DOCK11: variants seen among roughly 807,000 people sequenced by gnomAD.
DOCK11 encodes the protein dedicator of cytokinesis protein 11.
A neutral mutation model predicts 169.1 loss-of-function variants in DOCK11; 70 were observed. That is an observed-to-expected ratio of 0.41 (90% confidence interval 0.34 to 0.51). The LOEUF is 0.51. Among genes scored for constraint, DOCK11 ranks in the 20% least tolerant of loss-of-function variants. The pLI is 0.10. For missense variants in DOCK11, 1,166 were observed against 1,538.8 expected (o/e 0.76, Z 4.05); for synonymous variants, 529 against 541.3 (o/e 0.98, Z 0.32).
Position 118,611,736 on chromosome X carries a change from T to G in DOCK11, c.3096+1318T>G, listed in dbSNP as rs193051543. Among the ~76,000 whole-genome samples the G allele has an allele frequency of 1.3e-4, 15 of 112,197 alleles. No homozygotes were observed. In the Admixed American group the frequency reaches 1.4e-3, roughly 11 times the overall value. ...GTGAGAGAATGTAACTGTTTTTTCT[T>G]TCTTTTTTCTTGCTTTCTTTCATTT... On this transcript the variant is annotated intron_variant, in intron 28 of 52. Coordinates refer to ENST00000276202, the MANE Select transcript of DOCK11 (RefSeq NM_144658.4).
intron 34 of DOCK11, 99 bp downstream of exon 34, chrX:118,628,371 T>C: frequency 2.0e-6 from 1 of 500,770 alleles, no homozygotes; most frequent in East Asian, 3.7e-5. Context: ...CTGTAGTCCA[T>C]CCTGGCTCTG....
intron 6 of DOCK11, among the ~76,000 whole-genome samples, chrX:118,549,148 C>CTT (rs1295714639): frequency 2.8e-5 from 2 of 71,761 alleles, no homozygotes; most frequent in Admixed American, 1.5e-4. Context: ...ACATATAAAA[C>CTT]TTTTTTTTTT....
At chrX:118,511,721 G>A (rs191960958) in intron 1 of DOCK11, among the ~76,000 whole-genome samples, 1,142 of 110,899 alleles carry the variant, frequency 0.01, 13 homozygotes, top group African/African-American at 0.036. Context: ...TGCAGCAGAA[G>A]GAACTAGAAA....
Position 118,652,068 on chromosome X carries a change from A to T in DOCK11, c.4686A>T (p.Arg1562Ser). Residue 1562 changes from arginine to serine, a missense_variant, in exon 42 of 53, where the codon AGA (arginine) becomes AGT (serine). Arg to Ser is a moderately radical substitution (Grantham distance 110). Coordinates refer to ENST00000276202, the MANE Select transcript of DOCK11 (RefSeq NM_144658.4). ...TCAATAATTTTGCAAATAGTGACAGACCTATGAAGGTATGTTCTCATTTCA... is the reference window on the plus strand; with the variant it reads ...TCAATAATTTTGCAAATAGTGACAGTCCTATGAAGGTATGTTCTCATTTCA... Reference protein sequence around the residue: ...FIINNFANSDRPMKATAFPAE... With the variant: ...FIINNFANSDSPMKATAFPAE... The T allele has an allele frequency of 8.7e-7, 1 of 1,149,754 alleles. No homozygotes were observed. The highest frequency in any genetic ancestry group is 1.2e-6 in the Non-Finnish European group (1 of 845,954). The allele number at this position is 1,149,754 out of a possible 1,213,427, so 94.8% of individuals were successfully genotyped here.
Position 118,545,924 on chromosome X carries a change from A to G in DOCK11, c.463-97A>G, listed in dbSNP as rs2012256026. The G allele has an allele frequency of 7.3e-6, 4 of 548,989 alleles. No homozygotes were observed. In the East Asian group the frequency reaches 1.3e-4, roughly 18 times the overall value. 45.2% of individuals were successfully genotyped at this position (548,989 alleles called of 1,213,427 possible). ...GAAGAGGGGACTTTATGTTTTAATTAGGAAATGGGCAGGGCCTCATTCTGT... is the reference window on the plus strand; with the variant it reads ...GAAGAGGGGACTTTATGTTTTAATTGGGAAATGGGCAGGGCCTCATTCTGT... On this transcript the variant is annotated intron_variant, in intron 5 of 52. Transcript: ENST00000276202.
At chrX:118,632,154 G>A (rs1163981728) in intron 35 of DOCK11, among the ~76,000 whole-genome samples, 3 of 110,484 alleles carry the variant, frequency 2.7e-5, no homozygotes, top group African/African-American at 9.9e-5. Flanking sequence ...GGGGTTTCAC[G>A]GTGTTAGCCA....
chrX:118,630,371 C>T lies in DOCK11; in HGVS notation c.3775-8C>T, dbSNP rs888694574. On this transcript the variant is annotated splice_polypyrimidine_tract_variant and splice_region_variant and intron_variant, in intron 34 of 52. Transcript: ENST00000276202. ...TGATACTATTTCACGAACATCCTGTCCTTACAGACCCGACAGAGTTCTACA... is the reference window on the plus strand; with the variant it reads ...TGATACTATTTCACGAACATCCTGTTCTTACAGACCCGACAGAGTTCTACA... 3.5e-6 allele frequency: 4 copies of T among 1,148,922 alleles called. No individual in the cohort carries two copies. Among genetic ancestry groups the T allele is most frequent in the Non-Finnish European group, 1.2e-6 (1 of 844,480 alleles). The allele number at this position is 1,148,922 out of a possible 1,213,427, so 94.7% of individuals were successfully genotyped here. A position where few individuals can be genotyped will look rare whatever the true frequency, so the allele number is the denominator to read the frequency against.
rs746917699 is a variant in DOCK11 at position 118,672,161 on chromosome X, G to A, written c.5199+1016G>A. Among the ~76,000 whole-genome samples, 3 of 112,375 alleles carry A rather than the reference G, an allele frequency of 2.7e-5. No individual in the cohort carries two copies. The East Asian group carries it at 8.4e-4, about 31-fold the overall frequency. ...AACCTAAAGGTGCTGGCAAATGACA[G>A]TGGGGTAGGTAATAATACACTAGTA... On this transcript the variant is annotated intron_variant, in intron 46 of 52. Coordinates refer to ENST00000276202, the MANE Select transcript of DOCK11 (RefSeq NM_144658.4).
Position 118,671,033 on chromosome X carries a change from T to G in DOCK11, c.5087T>G (p.Leu1696Arg). Residue 1696 changes from leucine (L) to arginine (R), a missense_variant, in exon 46 of 53, where the codon CTG becomes CGG. Physicochemically the swap from Leu to Arg is moderately radical, Grantham distance 102. Coordinates refer to ENST00000276202, the MANE Select transcript of DOCK11 (RefSeq NM_144658.4). Reference protein sequence around the residue: ...MDVHYSEEVLLELLEQCVDGL... With the variant: ...MDVHYSEEVLRELLEQCVDGL... ...TTTCTCTTAATGCAGGAGGTCTTGC[T>G]GGAGTTGCTAGAACAATGTGTGGAT... The G allele has an allele frequency of 8.4e-7, 1 of 1,186,307 alleles. No individual in the cohort carries two copies. Among genetic ancestry groups the G allele is most frequent in the Non-Finnish European group, 1.1e-6 (1 of 880,184 alleles).
intron 1 of DOCK11, among the ~76,000 whole-genome samples, chrX:118,516,754 A>C (rs1233063817): frequency 8.9e-6 from 1 of 112,238 alleles, no homozygotes; most frequent in African/African-American, 3.2e-5. Context: ...ATTTATTGAC[A>C]GTGGCAAAAA....
intron 24 of DOCK11, among the ~76,000 whole-genome samples, chrX:118,607,453 G>T (rs1340730791): frequency 1.4e-5 from 1 of 71,692 alleles, no homozygotes. Flanking sequence ...ACAGAGTCTC[G>T]CTCTGTTGCC....
chrX:118,523,266 C>CA, intron 1 of DOCK11, among the ~76,000 whole-genome samples: 1 of 111,510 alleles, frequency 9.0e-6, no homozygotes, highest in East Asian at 2.8e-4. Context: ...GAATTAAATA[C>CA]AAAAAAGAAC....
chrX:118,638,533 A>C (rs935328848), intron 37 of DOCK11, among the ~76,000 whole-genome samples: 1 of 112,175 alleles, frequency 8.9e-6, no homozygotes, highest in Non-Finnish European at 1.9e-5. Context: ...TACATTATCT[A>C]TTTCCTCTTT....
At chrX:118,561,690 C>T (rs1057321234) in intron 7 of DOCK11, among the ~76,000 whole-genome samples, 173 bp downstream of exon 7, 5 of 108,769 alleles carry the variant, frequency 4.6e-5, no homozygotes, top group Non-Finnish European at 9.6e-5. Context: ...ACAAAGAGAC[C>T]CCATCTCTAC....
At chrX:118,618,453 C>CT (rs2014879428) in intron 30 of DOCK11, 97 bp from the exon 31 acceptor site, 2 of 648,241 alleles carry the variant, frequency 3.1e-6, no homozygotes, top group Non-Finnish European at 2.2e-6. Context: ...ATAGCTCTTG[C>CT]TAGCATGATC....
rs746345228 is a variant in DOCK11, at chrX:118,562,645, C to A, written c.693+1128C>A. 3.6e-5 allele frequency among the ~76,000 whole-genome samples: 4 copies of A among 111,943 alleles called. No homozygotes were observed. The South Asian group carries it at 1.5e-3, about 42-fold the overall frequency. On this transcript the variant is annotated intron_variant, in intron 7 of 52. Transcript: ENST00000276202. ...TGTGTATTCTGTGCTCTGGTCACAC[C>A]AGGCTAAGCATTCTAAAGCGTTGCA...
At chrX:118,599,392 A>G (rs938024998) in intron 23 of DOCK11, among the ~76,000 whole-genome samples, 164 bp downstream of exon 23, 1 of 111,895 alleles carries the variant, frequency 8.9e-6, no homozygotes, top group Admixed American at 9.5e-5. Flanking sequence ...GTGGCTGTTT[A>G]GAAGCAGACA....
intron 48 of DOCK11, among the ~76,000 whole-genome samples, chrX:118,678,372 C>G (rs2016658617): frequency 8.9e-6 from 1 of 111,885 alleles, no homozygotes; most frequent in South Asian, 3.7e-4. Flanking sequence ...GGCGGTATTA[C>G]CCATATAATG....
At chrX:118,605,600 A>T (rs768020101) in intron 24 of DOCK11, among the ~76,000 whole-genome samples, 1 of 111,411 alleles carries the variant, frequency 9.0e-6, no homozygotes. Flanking sequence ...CCTGTGATTG[A>T]TTTCTAGTTT....
Sources: allele counts gnomAD v4.1 joint callset (sites outside exome capture counted in the v4.1 genomes callset), GRCh38; gene constraint gnomAD v4.1.1; transcripts MANE v1.5; gene names NCBI Gene and HGNC (gene_info 2026-07-23, HGNC 2026-07-21).